NUDT5: variants seen among roughly 807,000 people sequenced by gnomAD.
NUDT5 encodes the protein nudix hydrolase 5, also known as ADP-sugar pyrophosphatase.
Under a neutral mutation model 34.1 loss-of-function variants are expected in NUDT5, and 21 were observed. The ratio of observed to expected loss-of-function variants is 0.62; its 90% CI spans 0.44 to 0.89. The LOEUF (loss-of-function observed/expected upper bound fraction) is 0.89. Among genes scored for constraint, NUDT5 ranks in the 40% least tolerant of loss-of-function variants. The probability of loss-of-function intolerance (pLI) is 0.00; values close to 1 mark genes in which losing one functional copy is unlikely to be tolerated. For missense variants in NUDT5, 249 were observed against 274.8 expected, an observed-to-expected ratio of 0.91 and a Z score of 0.66; for synonymous variants, 85 against 97.6, an observed-to-expected ratio of 0.87 and a Z score of 0.76.
At chr10:12,167,905 T>C in intron 9 of NUDT5, 94 bp from the exon 10 acceptor site, 1 of 1,552,420 alleles carries the variant, frequency 6.4e-7, no homozygotes, top group Non-Finnish European at 8.6e-7. Flanking sequence ...TACTACTATA[T>C]GTCACTTCCT....
In NUDT5 at chr10:12,182,925, C is replaced by T. The variant is rs761300534; in HGVS notation, c.131+1964G>A. On this transcript the variant is annotated intron_variant, in intron 3 of 9. Coordinates refer to ENST00000491614, the MANE Select transcript of NUDT5 (RefSeq NM_014142.4). The surrounding 1 kb of genome is among the most constrained non-coding windows in gnomAD (Gnocchi z 4.3). ...CTAATTTTTGTATTTTTAGTAGAGA[C>T]GGGGTTTCACAATGTTGGCCAGGCT... Among the ~76,000 whole-genome samples the T allele has an allele frequency of 2.6e-5, 4 of 152,166 alleles. No individual in the cohort carries two copies. Among genetic ancestry groups the T allele is most frequent in the African/African-American group, 4.8e-5 (2 of 41,520 alleles).
In NUDT5 at chr10:12,170,702, C is replaced by G. The variant is rs777853231; in HGVS notation, c.550+15G>C. 2 of 1,612,798 alleles carry G rather than the reference C, an allele frequency of 1.2e-6. No homozygotes were observed. The highest frequency in any genetic ancestry group is 1.1e-5 in the South Asian group (1 of 91,022). ...AGAACTGGAGAAACTGGGTGGCGGT[C>G]TGGAGAATGCTTACCATCAAGTCTC... is the stretch of plus-strand genomic sequence containing the variant. On this transcript the variant is annotated intron_variant, in intron 9 of 9. Coordinates refer to ENST00000491614, the MANE Select transcript of NUDT5 (RefSeq NM_014142.4). The surrounding 1 kb of genome is among the most constrained non-coding windows in gnomAD (Gnocchi z 4.9).
At chr10:12,189,609 T>G (rs1325714076) in intron 1 of NUDT5, among the ~76,000 whole-genome samples, 4 of 152,182 alleles carry the variant, frequency 2.6e-5, no homozygotes, top group African/African-American at 9.7e-5. Flanking sequence ...TTTAGCACCA[T>G]TTCAAAAGCA....
intron 5 of NUDT5, among the ~76,000 whole-genome samples, chr10:12,176,001 C>T (rs945260334): frequency 1.3e-5 from 2 of 151,270 alleles, no homozygotes; most frequent in Non-Finnish European, 1.5e-5. Flanking sequence ...AGGCCGAGAC[C>T]AGCCTGACCA....
In NUDT5 at chr10:12,170,869, A is replaced by G. The variant is rs372350604; in HGVS notation, c.496+31T>C. On this transcript the variant is annotated intron_variant, in intron 8 of 9. Coordinates refer to ENST00000491614, the MANE Select transcript of NUDT5 (RefSeq NM_014142.4). This position sits in a 1 kb window ranked among gnomAD's most constrained non-coding sequence, Gnocchi z 4.9. ...CCATCACCACTACACTAAGTCATAC[A>G]CGCTCGGCCACCAGGAGTTGCAGAA... is the stretch of plus-strand genomic sequence containing the variant. 362 of 1,612,028 alleles carry G rather than the reference A, an allele frequency of 2.2e-4. 1 individual carries two copies. The African/African-American group carries it at 4.3e-3, about 19-fold the overall frequency.
At chr10:12,194,495 A>G (rs1269513252) in intron 1 of NUDT5, among the ~76,000 whole-genome samples, 1 of 152,210 alleles carries the variant, frequency 6.6e-6, no homozygotes, top group Non-Finnish European at 1.5e-5. Flanking sequence ...ATGATGAATC[A>G]TGACTGTCCA....
At position 12,182,090 on chromosome 10, in the gene NUDT5, T is replaced by C. The variant is rs1272460401; in HGVS notation, c.131+2799A>G. On this transcript the variant is annotated intron_variant, in intron 3 of 9. Coordinates refer to ENST00000491614, the MANE Select transcript of NUDT5 (RefSeq NM_014142.4). The surrounding 1 kb of genome is among the most constrained non-coding windows in gnomAD (Gnocchi z 4.3). ...GTTGCAGTGAGCTGAGACCACACCATTGCACTCTAGCCTGGGCAACAGAAC... is the reference window on the plus strand; with the variant it reads ...GTTGCAGTGAGCTGAGACCACACCACTGCACTCTAGCCTGGGCAACAGAAC... 2.0e-5 allele frequency among the ~76,000 whole-genome samples: 3 copies of C among 151,148 alleles called. No individual in the cohort carries two copies. Among genetic ancestry groups the C allele is most frequent in the African/African-American group, 4.9e-5 (2 of 41,018 alleles).
chr10:12,177,917 G>T lies in NUDT5; in HGVS notation c.182-17C>A. The T allele has an allele frequency of 6.3e-7, 1 of 1,596,178 alleles. No homozygotes were observed. The highest frequency in any genetic ancestry group is 8.6e-7 in the Non-Finnish European group (1 of 1,164,018). ...CCGCGACACCTGTCACCAGGAAATG[G>T]AACCAAGGAAATCCCTAATGAGAGG... On this transcript the variant is annotated splice_polypyrimidine_tract_variant and intron_variant, in intron 4 of 9. Transcript: ENST00000491614.
In NUDT5 at chr10:12,165,397, C is replaced by G. The variant is rs1834645952; in HGVS notation, c.*2305G>C. 2 of 954,296 alleles carry G rather than the reference C, an allele frequency of 2.1e-6. No homozygotes were observed. Among genetic ancestry groups the G allele is most frequent in the Non-Finnish European group, 2.5e-6 (2 of 801,838 alleles). 59.1% of individuals were successfully genotyped at this position (954,296 alleles called of 1,614,324 possible). A position where few individuals can be genotyped will look rare whatever the true frequency, so the allele number is the denominator to read the frequency against. On this transcript the variant is annotated 3_prime_UTR_variant, in exon 10 of 10. Transcript: ENST00000491614. Reference sequence around the variant, plus strand: ...GTTGTGTTGGAAAAAATAAAGAAATCTGATATTAAACGTTTTCTAAGATCA... The same window carrying G: ...GTTGTGTTGGAAAAAATAAAGAAATGTGATATTAAACGTTTTCTAAGATCA...
intron 1 of NUDT5, among the ~76,000 whole-genome samples, chr10:12,186,942 C>T (rs1298638351): frequency 6.6e-6 from 1 of 151,632 alleles, no homozygotes; most frequent in Non-Finnish European, 1.5e-5. Context: ...TTTCTGACTC[C>T]GAATCTTAAA....
At position 12,181,586 on chromosome 10, in the gene NUDT5, G is replaced by A. The variant is rs1588659446; in HGVS notation, c.132-2454C>T. Among the ~76,000 whole-genome samples, 1 of 152,152 alleles carries A rather than the reference G, an allele frequency of 6.6e-6. No individual in the cohort carries two copies. Among genetic ancestry groups the A allele is most frequent in the African/African-American group, 2.4e-5 (1 of 41,432 alleles). ...CACATAGGTCTCAGCCCTGTGTAGG[G>A]TGTTGTGGGGAACTGCTGCTGGGCA... On this transcript the variant is annotated intron_variant, in intron 3 of 9. Transcript: ENST00000491614. This position sits in a 1 kb window ranked among gnomAD's most constrained non-coding sequence, Gnocchi z 5.0.
chr10:12,192,906 T>TA (rs1449407675), intron 1 of NUDT5, among the ~76,000 whole-genome samples: 2 of 151,250 alleles, frequency 1.3e-5, no homozygotes, highest in African/African-American at 4.9e-5. Flanking sequence ...CCATTTATGG[T>TA]AAAAAATTTG....
chr10:12,174,547 G>T (rs764648435), intron 5 of NUDT5, among the ~76,000 whole-genome samples: 2 of 152,324 alleles, frequency 1.3e-5, no homozygotes, highest in East Asian at 1.9e-4. Context: ...AAAGTGCTGG[G>T]ATTACAGGCA....
intron 3 of NUDT5, among the ~76,000 whole-genome samples, chr10:12,183,801 T>G (rs1835081991): frequency 6.6e-6 from 1 of 152,244 alleles, no homozygotes; most frequent in Non-Finnish European, 1.5e-5. Flanking sequence ...TGGCAGAGTT[T>G]GAAAAGCATA....
chr10:12,177,207 G>C (rs1206612107), intron 5 of NUDT5, among the ~76,000 whole-genome samples: 1 of 152,030 alleles, frequency 6.6e-6, no homozygotes, highest in Non-Finnish European at 1.5e-5. Context: ...AGCTGAGAAG[G>C]GGAAGGGCAA....
rs1327646075 is a variant in NUDT5 at position 12,181,051 on chromosome 10, G to C, written c.132-1919C>G. Among the ~76,000 whole-genome samples the C allele has an allele frequency of 6.6e-6, 1 of 152,200 alleles. No homozygotes were observed. The highest frequency in any genetic ancestry group is 1.9e-4 in the East Asian group (1 of 5,186). Reference sequence around the variant, plus strand: ...AGCTGCTATTTTATCTCTTAGACTCGGCCCTTCATATCCGTGGGTTCTGCA... The same window carrying C: ...AGCTGCTATTTTATCTCTTAGACTCCGCCCTTCATATCCGTGGGTTCTGCA... On this transcript the variant is annotated intron_variant, in intron 3 of 9. Transcript: ENST00000491614. The surrounding 1 kb of genome is among the most constrained non-coding windows in gnomAD (Gnocchi z 5.0).
rs145566011 is a variant in NUDT5 at position 12,174,007 on chromosome 10, C to T, written c.290-194G>A. 7.4e-3 allele frequency among the ~76,000 whole-genome samples: 1,129 copies of T among 152,150 alleles called. 12 individuals are homozygous for T. The highest frequency in any genetic ancestry group is 0.026 in the African/African-American group (1,089 of 41,494). ...TCAGCCTCCAGAGTAGCTGGGATTA[C>T]AGGCGCGTGCCACCACGCCCAGCTA... is the stretch of plus-strand genomic sequence containing the variant. On this transcript the variant is annotated intron_variant, in intron 5 of 9. Coordinates refer to ENST00000491614, the MANE Select transcript of NUDT5 (RefSeq NM_014142.4).
In NUDT5 at chr10:12,173,708, C is replaced by T. The variant is rs574026602; in HGVS notation, c.385+10G>A. ...ATCCATCACTTGGTGAATTTTCAAG[C>T]AATACCAACCTGGAGAACATTCGGC... is the stretch of plus-strand genomic sequence containing the variant. On this transcript the variant is annotated intron_variant, in intron 6 of 9. Coordinates refer to ENST00000491614, the MANE Select transcript of NUDT5 (RefSeq NM_014142.4). The surrounding 1 kb of genome is among the most constrained non-coding windows in gnomAD (Gnocchi z 4.7). 2.7e-5 allele frequency: 43 copies of T among 1,604,240 alleles called. No homozygotes were observed. The highest frequency in any genetic ancestry group is 6.7e-5 in the African/African-American group (5 of 74,852).
In NUDT5 at chr10:12,173,115, C is replaced by T. The variant is rs960488860; in HGVS notation, c.386-249G>A. 2.0e-5 allele frequency among the ~76,000 whole-genome samples: 3 copies of T among 152,232 alleles called. No homozygotes were observed. The highest frequency in any genetic ancestry group is 2.9e-5 in the Non-Finnish European group (2 of 68,036). The stretch of plus-strand genomic sequence containing the variant: ...GTACTGTCAAGTCATAAAATCCCTT[C>T]ACCACATCAAACTCAAAAAAATCTT... On this transcript the variant is annotated intron_variant, in intron 6 of 9. Transcript: ENST00000491614. This position sits in a 1 kb window ranked among gnomAD's most constrained non-coding sequence, Gnocchi z 4.7.
Sources: allele counts gnomAD v4.1 joint callset (sites outside exome capture counted in the v4.1 genomes callset), GRCh38; gene constraint gnomAD v4.1.1; non-coding constraint Gnocchi (gnomAD v3.1); transcripts MANE v1.5; gene names NCBI Gene and HGNC (gene_info 2026-07-23, HGNC 2026-07-21).